Variants in DPYSL3 observed in about 807,000 individuals in gnomAD.
The protein encoded by DPYSL3 is dihydropyrimidinase-related protein 3.
A neutral mutation model predicts 66.1 loss-of-function variants in DPYSL3; 16 were observed. The observed-to-expected ratio is 0.24, with a 90% CI of 0.16 to 0.37. The LOEUF is 0.37. Ranked by LOEUF, DPYSL3 falls within the 10% of genes least tolerant of loss-of-function variation. The pLI, the probability that DPYSL3 is intolerant of heterozygous loss-of-function variation, is 1.00. For synonymous variants in DPYSL3, 338 were observed against 345.1 expected (o/e 0.98, Z 0.23); for missense variants, 738 against 916.2 (o/e 0.81, Z 2.51).
chr5:147,492,800 A>T (rs906098201), intron 1 of DPYSL3, among the ~76,000 whole-genome samples: 10 of 152,226 alleles, frequency 6.6e-5, no homozygotes, highest in African/African-American at 1.9e-4. Context: ...AATAGAATAC[A>T]TCAACAAATA....
At chr5:147,506,824 G>A (rs1289530840) in intron 1 of DPYSL3, among the ~76,000 whole-genome samples, 2 of 152,180 alleles carry the variant, frequency 1.3e-5, no homozygotes, top group South Asian at 4.1e-4. Context: ...GGTTGGGACA[G>A]ATTTCACTCC....
At position 147,397,791 on chromosome 5, in the gene DPYSL3, C is replaced by T. The variant is rs1486990010; in HGVS notation, c.1678G>A (p.Val560Ile). Reference protein sequence around the residue: ...GMELRGAPLVVICQGKIMLED... With the variant: ...GMELRGAPLVIICQGKIMLED... ...AGCATGATCTTGCCCTGGCAGATGA[C>T]AACCAGAGGAGCCCCGCGCAGCTCC... is the stretch of plus-strand genomic sequence containing the variant. The change falls in exon 12 of 14, where the codon GTC becomes ATC. Residue 560 changes from valine to isoleucine, a missense_variant. Coordinates refer to ENST00000343218, the MANE Select transcript of DPYSL3 (RefSeq NM_001197294.2). 3.1e-6 allele frequency: 5 copies of T among 1,614,100 alleles called. No individual in the cohort carries two copies. The highest frequency in any genetic ancestry group is 2.2e-5 in the East Asian group (1 of 44,878).
chr5:147,437,933 C>T (rs1448661668), intron 1 of DPYSL3, among the ~76,000 whole-genome samples: 1 of 152,202 alleles, frequency 6.6e-6, no homozygotes, highest in East Asian at 1.9e-4. Context: ...AGCCTTCCAC[C>T]TAGTGCCTAC....
intron 12 of DPYSL3, among the ~76,000 whole-genome samples, chr5:147,396,016 C>T (rs955237258): frequency 2.0e-5 from 3 of 151,760 alleles, no homozygotes; most frequent in African/African-American, 7.3e-5. Context: ...GGAGGGATAC[C>T]GGGGAGTGGT....
intron 1 of DPYSL3, among the ~76,000 whole-genome samples, chr5:147,478,793 C>A (rs1753197786): frequency 6.6e-6 from 1 of 152,120 alleles, no homozygotes; most frequent in Admixed American, 6.5e-5. Flanking sequence ...TCTGTGGGAC[C>A]TTGGGGCCCT....
chr5:147,477,115 A>G (rs995541215), intron 1 of DPYSL3, among the ~76,000 whole-genome samples: 4 of 152,232 alleles, frequency 2.6e-5, no homozygotes, highest in African/African-American at 9.6e-5. Flanking sequence ...AACGGACAAA[A>G]TTCCCAATTC....
At chr5:147,507,504 T>G (rs1259465981) in intron 1 of DPYSL3, among the ~76,000 whole-genome samples, 1 of 152,202 alleles carries the variant, frequency 6.6e-6, no homozygotes, top group African/African-American at 2.4e-5. Flanking sequence ...AAACATTTAT[T>G]GAGCACCTCC....
chr5:147,499,307 G>T (rs1319346544), intron 1 of DPYSL3, among the ~76,000 whole-genome samples: 1 of 152,094 alleles, frequency 6.6e-6, no homozygotes, highest in East Asian at 1.9e-4. Context: ...AAGGTTGCAG[G>T]ATACAAAGTT....
chr5:147,403,419 TAGTA>T (rs148298237), intron 8 of DPYSL3, among the ~76,000 whole-genome samples: 4,997 of 152,158 alleles, frequency 0.033, 274 homozygotes, highest in African/African-American at 0.11. Context: ...GAAGCTAAGA[TAGTA>T]ATTACACCTA....
rs1184469866 is a variant in DPYSL3 at position 147,424,903 on chromosome 5, C to G, written c.442G>C (p.Asp148His). Residue 148 changes from aspartate (D) to histidine (H), a missense_variant, in exon 2 of 14, where the codon GAT becomes CAT. By Grantham distance (81) the Asp-to-His change is moderately conservative. Transcript: ENST00000343218. ...IVNDDQSFYA[D>H]IYMEDGLIKQ... ...ATTAAGCCATCTTCCATGTAAATAT[C>G]AGCATAAAAGGACTGATCATCATTG... 6.2e-7 allele frequency: 1 copy of G among 1,611,748 alleles called. No homozygotes were observed. Among genetic ancestry groups the G allele is most frequent in the Non-Finnish European group, 8.5e-7 (1 of 1,178,860 alleles).
At chr5:147,453,749 C>T (rs1336143995) in intron 1 of DPYSL3, 3 of 1,300,822 alleles carry the variant, frequency 2.3e-6, no homozygotes, top group Admixed American at 4.0e-5. Flanking sequence ...CGGGCTCCCG[C>T]GGCGGCTGCC....
chr5:147,471,436 C>A (rs575730075), intron 1 of DPYSL3, among the ~76,000 whole-genome samples: 28 of 152,272 alleles, frequency 1.8e-4, no homozygotes, highest in African/African-American at 6.7e-4. Flanking sequence ...AGTTTCCTCT[C>A]CACATTTGGC....
At chr5:147,498,776 C>T (rs995359974) in intron 1 of DPYSL3, among the ~76,000 whole-genome samples, 3 of 152,066 alleles carry the variant, frequency 2.0e-5, no homozygotes, top group Non-Finnish European at 4.4e-5. Flanking sequence ...TGTCCTTTGC[C>T]TACTTTTTAA....
At chr5:147,493,394 G>T (rs1477780580) in intron 1 of DPYSL3, among the ~76,000 whole-genome samples, 3 of 152,124 alleles carry the variant, frequency 2.0e-5, no homozygotes, top group African/African-American at 7.2e-5. Context: ...GAAACATAGG[G>T]AGACAGCATC....
At chr5:147,418,755 T>C (rs1752023986) in intron 2 of DPYSL3, 124 bp from the exon 3 acceptor site, 2 of 811,538 alleles carry the variant, frequency 2.5e-6, no homozygotes, top group Admixed American at 6.0e-5. Context: ...AATTAAACTT[T>C]GCAAGTGACT....
chr5:147,429,675 T>C (rs1018228912), intron 1 of DPYSL3, among the ~76,000 whole-genome samples: 2 of 152,072 alleles, frequency 1.3e-5, no homozygotes, highest in East Asian at 1.9e-4. Flanking sequence ...AGTAGATTAG[T>C]TCCAATTTGA....
intron 1 of DPYSL3, among the ~76,000 whole-genome samples, 173 bp from the exon 2 acceptor site, chr5:147,425,136 C>T (rs1051774604): frequency 2.0e-5 from 3 of 152,146 alleles, no homozygotes; most frequent in Admixed American, 1.3e-4. Flanking sequence ...GTTGGGGATC[C>T]GGTCTTTCTT....
At chr5:147,487,596 T>A (rs913090409) in intron 1 of DPYSL3, among the ~76,000 whole-genome samples, 8 of 152,252 alleles carry the variant, frequency 5.3e-5, no homozygotes, top group African/African-American at 1.9e-4. Flanking sequence ...TTGTTTGTTT[T>A]AAATAAAGTT....
At chr5:147,465,914 G>A (rs980041658) in intron 1 of DPYSL3, among the ~76,000 whole-genome samples, 1 of 152,004 alleles carries the variant, frequency 6.6e-6, no homozygotes, top group African/African-American at 2.4e-5. Context: ...GAACACTCCC[G>A]AATAAACTTC....
Sources: gnomAD v4.1 joint callset for allele counts (sites outside exome capture counted in the v4.1 genomes callset) on GRCh38, gnomAD v4.1.1 for gene constraint, MANE v1.5 for transcripts, NCBI Gene and HGNC (gene_info 2026-07-23, HGNC 2026-07-21) for gene names.